Variants in MAP3K13 observed in about 807,000 individuals in gnomAD.
MAP3K13 encodes mitogen-activated protein kinase kinase kinase 13, also known as leucine zipper-bearing kinase.
A neutral mutation model predicts 104.0 loss-of-function variants in MAP3K13; 52 were observed. The ratio of observed to expected loss-of-function variants is 0.50; its 90% CI spans 0.40 to 0.63. The LOEUF is 0.63. Among genes scored for constraint, MAP3K13 ranks in the 20% least tolerant of loss-of-function variants. The probability of loss-of-function intolerance (pLI) is 0.00; values close to 1 mark genes in which losing one functional copy is unlikely to be tolerated. For missense variants in MAP3K13, 914 were observed against 1,218.5 expected, an observed-to-expected ratio of 0.75 and a Z score of 3.72; for synonymous variants, 394 against 442.2, an observed-to-expected ratio of 0.89 and a Z score of 1.37.
At chr3:185,338,585 A>G (rs1221934479) in intron 2 of MAP3K13, among the ~76,000 whole-genome samples, 1 of 152,218 alleles carries the variant, frequency 6.6e-6, no homozygotes, top group African/African-American at 2.4e-5. Flanking sequence ...AAAACCTTAC[A>G]ACTTAGTACA....
rs192528458 is a variant in MAP3K13 at position 185,465,703 on chromosome 3, C to T, written c.1389-44C>T. 1,073 of 1,386,398 alleles carry T rather than the reference C, an allele frequency of 7.7e-4. 1 individual carries two copies. Among genetic ancestry groups the T allele is most frequent in the Middle Eastern group, 5.7e-3 (32 of 5,582 alleles). The allele number at this position is 1,386,398 out of a possible 1,614,324, so 85.9% of individuals were successfully genotyped here. ...TATTTCATCAAGCGGACTTTTTTCT[C>T]CCGAAGTTGGTTGGCTGGGCTGACC... On this transcript the variant is annotated intron_variant, in intron 8 of 13. Coordinates refer to ENST00000265026, the MANE Select transcript of MAP3K13 (RefSeq NM_004721.5).
intron 2 of MAP3K13, among the ~76,000 whole-genome samples, chr3:185,344,371 A>G (rs1187864306): frequency 6.6e-6 from 1 of 152,216 alleles, no homozygotes; most frequent in African/African-American, 2.4e-5. Context: ...AAGAGACTTG[A>G]TGATCTGTGA....
In MAP3K13 at chr3:185,450,502, C is replaced by G. The variant is rs893764726; in HGVS notation, c.1169+444C>G. On this transcript the variant is annotated intron_variant, in intron 6 of 13. Transcript: ENST00000265026. This position sits in a 1 kb window ranked among gnomAD's most constrained non-coding sequence, Gnocchi z 4.2. ...TGCAGGGCAGCCAGGCACAGTGGCT[C>G]ACACCTGTAATTCCAACACTTTGGC... is the stretch of plus-strand genomic sequence containing the variant. Among the ~76,000 whole-genome samples, 1 of 152,092 alleles carries G rather than the reference C, an allele frequency of 6.6e-6. No individual in the cohort carries two copies. Among genetic ancestry groups the G allele is most frequent in the African/African-American group, 2.4e-5 (1 of 41,396 alleles).
At chr3:185,471,306 C>CTTTTTTTTTTTT (rs748807847) in intron 10 of MAP3K13, among the ~76,000 whole-genome samples, 1 of 83,420 alleles carries the variant, frequency 1.2e-5, no homozygotes. Flanking sequence ...ATGACCTTTG[C>CTTTTTTTTTTTT]TTTTTTTTTT....
At chr3:185,331,597 T>G (rs1388674998) in intron 2 of MAP3K13, among the ~76,000 whole-genome samples, 1 of 152,184 alleles carries the variant, frequency 6.6e-6, no homozygotes, top group East Asian at 1.9e-4. Flanking sequence ...GGATAGTGCC[T>G]GCTTGACATG....
intron 2 of MAP3K13, among the ~76,000 whole-genome samples, chr3:185,320,772 T>G (rs1721825054): frequency 6.6e-6 from 1 of 152,232 alleles, no homozygotes; most frequent in African/African-American, 2.4e-5. Flanking sequence ...TTACCCTGGT[T>G]TATGAAAATC....
intron 7 of MAP3K13, chr3:185,451,604 C>G (rs940474474): frequency 5.0e-6 from 2 of 403,010 alleles, no homozygotes; most frequent in Admixed American, 4.2e-5. Context: ...TGAAAAAACA[C>G]GTGTTGGCCG....
intron 1 of MAP3K13, among the ~76,000 whole-genome samples, chr3:185,398,460 C>T (rs150543696): frequency 6.6e-6 from 1 of 152,328 alleles, no homozygotes; most frequent in African/African-American, 2.4e-5. Flanking sequence ...CTTAGTGCCT[C>T]TATAGCACAG....
chr3:185,460,441 C>G (rs1362517424), intron 7 of MAP3K13, among the ~76,000 whole-genome samples: 1 of 152,130 alleles, frequency 6.6e-6, no homozygotes, highest in Non-Finnish European at 1.5e-5. Context: ...GGGAAATGCC[C>G]CTCCACTCCT....
Position 185,428,486 on chromosome 3 carries a change from GT to G in MAP3K13, c.-85-6del. On this transcript the variant is annotated splice_polypyrimidine_tract_variant and intron_variant, in intron 1 of 13. Transcript: ENST00000265026. ...AAGGATGATCTCTTATCTCCCTCCT[GT>G]TTTTCTCAGGTTTTGGAGCCCTCTC... is the stretch of plus-strand genomic sequence containing the variant. 6.8e-7 allele frequency: 1 copy of G among 1,472,132 alleles called. No homozygotes were observed. The highest frequency in any genetic ancestry group is 2.3e-5 in the East Asian group (1 of 43,052). 91.2% of individuals were successfully genotyped at this position (1,472,132 alleles called of 1,614,324 possible).
intron 2 of MAP3K13, among the ~76,000 whole-genome samples, chr3:185,351,102 T>C (rs1430961174): frequency 3.9e-5 from 6 of 152,170 alleles, no homozygotes; most frequent in Admixed American, 6.5e-5. Flanking sequence ...TGTGAACTAA[T>C]ACAGGAACAG....
chr3:185,326,604 G>T (rs1165253646), intron 2 of MAP3K13, among the ~76,000 whole-genome samples: 3 of 152,062 alleles, frequency 2.0e-5, no homozygotes, highest in Non-Finnish European at 4.4e-5. Flanking sequence ...AGATGAGTCA[G>T]CTGAGACCCA....
At chr3:185,415,223 G>A (rs1405642947) in intron 1 of MAP3K13, among the ~76,000 whole-genome samples, 56 of 151,894 alleles carry the variant, frequency 3.7e-4, no homozygotes, top group Admixed American at 3.7e-3. Context: ...CGCGATCATG[G>A]CTCACTGCAA....
intron 2 of MAP3K13, among the ~76,000 whole-genome samples, chr3:185,432,185 CTTTTTTT>C (rs11407161): frequency 6.7e-5 from 6 of 90,112 alleles, no homozygotes; most frequent in African/African-American, 8.6e-5. Flanking sequence ...TTTCTAATTG[CTTTTTTT>C]TTTTTTTTTT....
intron 1 of MAP3K13, among the ~76,000 whole-genome samples, chr3:185,381,049 G>C (rs538488847): frequency 6.7e-6 from 1 of 149,782 alleles, no homozygotes; most frequent in African/African-American, 2.4e-5. Context: ...TGCAACCTCC[G>C]CCTCCCAGAT....
intron 2 of MAP3K13, chr3:185,285,716 A>T: frequency 1.6e-6 from 2 of 1,281,650 alleles, no homozygotes; most frequent in East Asian, 2.5e-5. Context: ...AAATTATAGG[A>T]TTGTAATTGA....
chr3:185,292,112 C>A (rs1720762771), intron 2 of MAP3K13: 1 of 488,426 alleles, frequency 2.0e-6, no homozygotes, highest in Non-Finnish European at 2.7e-6. Flanking sequence ...TGAGACCAGC[C>A]TGGCCAACAT....
At position 185,480,536 on chromosome 3, in the gene MAP3K13, G is replaced by T. The variant is rs771316160; in HGVS notation, c.2799+7G>T. On this transcript the variant is annotated splice_region_variant and intron_variant, in intron 13 of 13. Coordinates refer to ENST00000265026, the MANE Select transcript of MAP3K13 (RefSeq NM_004721.5). ...GGAGGAACGTGGCTATGAGGTGGGGGCTTCTCCCTTCTCCTCCCATCACTG... is the reference window on the plus strand; with the variant it reads ...GGAGGAACGTGGCTATGAGGTGGGGTCTTCTCCCTTCTCCTCCCATCACTG... The T allele has an allele frequency of 2.7e-5, 43 of 1,610,486 alleles. No homozygotes were observed. Among genetic ancestry groups the T allele is most frequent in the Non-Finnish European group, 3.7e-5 (43 of 1,177,600 alleles).
Position 185,428,856 on chromosome 3 carries a change from A to T in MAP3K13, c.275A>T (p.Glu92Val). Residue 92 changes from glutamate to valine, a missense_variant, in exon 2 of 14, where the codon GAA becomes GTA. By Grantham distance (121) the Glu-to-Val change is moderately radical (BLOSUM62 -2). Around this residue, in one of 3 missense-constraint regions of MAP3K13, gnomAD observed 156 missense variants for 159.8 expected, o/e 0.98. Transcript: ENST00000265026. Reference protein sequence around the residue: ...NSVLQLREHDESETAVSQGNS... With the variant: ...NSVLQLREHDVSETAVSQGNS... Reference sequence around the variant, plus strand: ...GTTCTTCAGCTAAGGGAACACGATGAATCAGAGACGGCGGTGTCTCAGGGG... The same window carrying T: ...GTTCTTCAGCTAAGGGAACACGATGTATCAGAGACGGCGGTGTCTCAGGGG... 1 of 1,614,200 alleles carries T rather than the reference A, an allele frequency of 6.2e-7. No individual in the cohort carries two copies.
Sources: allele counts gnomAD v4.1 joint callset (sites outside exome capture counted in the v4.1 genomes callset), GRCh38; gene constraint gnomAD v4.1.1; regional missense constraint gnomAD v4.1.1; non-coding constraint Gnocchi (gnomAD v3.1); transcripts MANE v1.5; gene names NCBI Gene and HGNC (gene_info 2026-07-23, HGNC 2026-07-21).